Variants in USP24 observed in about 807,000 individuals in gnomAD.
USP24 encodes the protein ubiquitin carboxyl-terminal hydrolase 24.
In USP24, 97 loss-of-function variants were observed where a neutral mutation model predicts 361.6. The observed-to-expected ratio is 0.27, with a 90% CI of 0.23 to 0.32. The LOEUF is 0.32. Among genes scored for constraint, USP24 ranks in the 10% least tolerant of loss-of-function variants. The pLI, the probability that USP24 is intolerant of heterozygous loss-of-function variation, is 1.00. For synonymous variants in USP24, 1,098 were observed against 1,124.6 expected (o/e 0.98, Z 0.47); for missense variants, 2,353 against 3,165.6 (o/e 0.74, Z 6.16).
intron 1 of USP24, among the ~76,000 whole-genome samples, chr1:55,206,117 A>G (rs904082970): frequency 1.3e-4 from 20 of 152,192 alleles, no homozygotes; most frequent in African/African-American, 4.3e-4. Context: ...GAGACGTTTT[A>G]TTTCATTTCA....
chr1:55,124,401 C>A (rs1030853391), intron 35 of USP24, 68 bp downstream of exon 35: 59 of 1,528,082 alleles, frequency 3.9e-5, no homozygotes, highest in Non-Finnish European at 4.9e-5. Flanking sequence ...TCTGGCAAAC[C>A]TACACACAGA....
intron 38 of USP24, among the ~76,000 whole-genome samples, chr1:55,114,751 G>GTTT (rs943633150): frequency 3.3e-5 from 5 of 152,064 alleles, no homozygotes; most frequent in Admixed American, 2.6e-4. Context: ...ACTCAAGATG[G>GTTT]ATTAAAGACT....
chr1:55,147,086 G>C (rs762342937), intron 18 of USP24, 26 bp from the exon 19 acceptor site: 1 of 1,516,164 alleles, frequency 6.6e-7, no homozygotes, highest in Non-Finnish European at 8.8e-7. Context: ...ATGCTAATTA[G>C]TTAACTCCAG....
intron 16 of USP24, among the ~76,000 whole-genome samples, chr1:55,151,742 C>G (rs1338702295): frequency 6.6e-6 from 1 of 152,016 alleles, no homozygotes; most frequent in African/African-American, 2.4e-5. Context: ...CGAGGGTACC[C>G]TGCAGAATCT....
At chr1:55,097,877 TAA>T in intron 47 of USP24, 64 bp downstream of exon 47, 1 of 1,537,464 alleles carries the variant, frequency 6.5e-7, no homozygotes, top group South Asian at 1.3e-5. Flanking sequence ...TGATTTTACA[TAA>T]AACAAAGACG....
intron 65 of USP24, 38 bp downstream of exon 65, chr1:55,072,748 T>C (rs1350517460): frequency 1.9e-6 from 3 of 1,547,662 alleles, no homozygotes; most frequent in Non-Finnish European, 8.7e-7. Context: ...TATTATTGAT[T>C]CCTATGTTAC....
chr1:55,199,947 G>T (rs930209286), intron 1 of USP24, among the ~76,000 whole-genome samples: 1 of 152,116 alleles, frequency 6.6e-6, no homozygotes, highest in Admixed American at 6.5e-5. Flanking sequence ...TTACATGGAC[G>T]GCAGCAGGCA....
In USP24 at chr1:55,146,941, T is replaced by G. The variant is rs1282592694; in HGVS notation, c.2238A>C (p.Glu746Asp). 6.2e-7 allele frequency: 1 copy of G among 1,612,318 alleles called. No individual in the cohort carries two copies. The highest frequency in any genetic ancestry group is 8.5e-7 in the Non-Finnish European group (1 of 1,179,006). The change falls in exon 19 of 68, where the codon GAA (glutamate) becomes GAC (aspartate). Residue 746 changes from glutamate (E) to aspartate (D), a missense_variant. By Grantham distance (45) the Glu-to-Asp change is conservative. Transcript: ENST00000294383. ...ECLVTGQDVC[E>D]LDREMCFEWF... ...ACCACCTTCTTACCTCTCTATCTAA[T>G]TCACAAACATCCTGGCCAGTTACAA... is the stretch of plus-strand genomic sequence containing the variant.
Position 55,164,516 on chromosome 1 carries a change from G to C in USP24, c.927+1369C>G, listed in dbSNP as rs185505159. 3.9e-5 allele frequency among the ~76,000 whole-genome samples: 6 copies of C among 152,092 alleles called. No individual in the cohort carries two copies. The East Asian group carries it at 1.2e-3, about 29-fold the overall frequency. ...CCTTAACTGGTCAGAAATTCAGCAC[G>C]TGTGAATTCTAATTATACCTGTCTC... On this transcript the variant is annotated intron_variant, in intron 7 of 67. Coordinates refer to ENST00000294383, the MANE Select transcript of USP24 (RefSeq NM_015306.3).
At chr1:55,180,108 C>T (rs966281847) in intron 1 of USP24, among the ~76,000 whole-genome samples, 6 of 152,152 alleles carry the variant, frequency 3.9e-5, no homozygotes, top group African/African-American at 4.8e-5. Context: ...CTTCATGTAT[C>T]GGACTATTTT....
At chr1:55,072,665 T>C in intron 65 of USP24, 121 bp downstream of exon 65, 7 of 1,019,916 alleles carry the variant, frequency 6.9e-6, no homozygotes, top group Non-Finnish European at 9.9e-6. Flanking sequence ...AGCAAAGAAA[T>C]GTTTGAAATC....
At position 55,148,424 on chromosome 1, in the gene USP24, G is replaced by A. The variant is rs757649138; in HGVS notation, c.1968+39C>T. Reference sequence around the variant, plus strand: ...CATGTTTTGTTATTGTAAAAGTTATGCAAGTAACTATAATAATAAAAAATA... The same window carrying A: ...CATGTTTTGTTATTGTAAAAGTTATACAAGTAACTATAATAATAAAAAATA... On this transcript the variant is annotated intron_variant, in intron 17 of 67. Coordinates refer to ENST00000294383, the MANE Select transcript of USP24 (RefSeq NM_015306.3). 18 of 1,435,284 alleles carry A rather than the reference G, an allele frequency of 1.3e-5. No homozygotes were observed. In the African/African-American group the frequency reaches 2.0e-4, roughly 16 times the overall value. The allele number at this position is 1,435,284 out of a possible 1,614,324, so 88.9% of individuals were successfully genotyped here.
chr1:55,141,521 G>A, intron 24 of USP24, 95 bp downstream of exon 24: 1 of 1,100,118 alleles, frequency 9.1e-7, no homozygotes, highest in Non-Finnish European at 1.3e-6. Flanking sequence ...TATAAAATGA[G>A]GAAATCAATA....
intron 56 of USP24, among the ~76,000 whole-genome samples, chr1:55,085,717 C>T (rs1405869788): frequency 6.6e-6 from 1 of 152,170 alleles, no homozygotes; most frequent in South Asian, 2.1e-4. Context: ...AATCCCAACG[C>T]AGACCAAAGC....
intron 29 of USP24, 79 bp from the exon 30 acceptor site, chr1:55,134,242 T>A: frequency 1.3e-6 from 2 of 1,561,106 alleles, no homozygotes; most frequent in South Asian, 2.3e-5. Context: ...GAATATAAAA[T>A]AAAATGCATT....
intron 26 of USP24, 88 bp from the exon 27 acceptor site, chr1:55,137,992 C>T: frequency 7.7e-7 from 1 of 1,298,984 alleles, no homozygotes; most frequent in South Asian, 1.3e-5. Context: ...AGGTACTGGG[C>T]ACTGTTCTAG....
chr1:55,120,799 C>A lies in USP24; in HGVS notation c.4348-43G>T, dbSNP rs1221675980. On this transcript the variant is annotated intron_variant, in intron 37 of 67. Coordinates refer to ENST00000294383, the MANE Select transcript of USP24 (RefSeq NM_015306.3). ...GCAGCAAAGGACAGACATGAATCAACATGTTGAGACTGCTTAAAAAGTGAT... is the reference window on the plus strand; with the variant it reads ...GCAGCAAAGGACAGACATGAATCAAAATGTTGAGACTGCTTAAAAAGTGAT... The A allele has an allele frequency of 2.1e-5, 31 of 1,483,486 alleles. 1 individual carries two copies. Among genetic ancestry groups the A allele is most frequent in the Non-Finnish European group, 2.8e-5 (31 of 1,114,968 alleles). The allele number at this position is 1,483,486 out of a possible 1,614,324, so 91.9% of individuals were successfully genotyped here.
Position 55,143,114 on chromosome 1 carries a change from T to C in USP24, c.2445A>G (p.Val815=). The C allele has an allele frequency of 1.3e-6, 2 of 1,501,894 alleles. No homozygotes were observed. The highest frequency in any genetic ancestry group is 1.4e-5 in the South Asian group (1 of 73,818). 93.0% of individuals were successfully genotyped at this position (1,501,894 alleles called of 1,614,324 possible). The stretch of plus-strand genomic sequence containing the variant: ...CCATTCCTATCAATTCCAGCTTTTC[T>C]ACATACTGTTCAAAAGAAAAAAAAT... ...RLKRQGAQLY[V]EKLELIGMDF... is the part of the protein sequence containing the mutation. Residue 815 remains valine (V), a synonymous_variant, in exon 22 of 68, where the codon GTA becomes GTG. Coordinates refer to ENST00000294383, the MANE Select transcript of USP24 (RefSeq NM_015306.3).
intron 37 of USP24, 121 bp downstream of exon 37, chr1:55,121,315 G>C (rs1646274370): frequency 1.2e-6 from 1 of 812,144 alleles, no homozygotes; most frequent in Non-Finnish European, 1.9e-6. Context: ...CAGCCCCTTC[G>C]TACACTCCCT....
Sources: gnomAD v4.1 joint callset for allele counts (sites outside exome capture counted in the v4.1 genomes callset) on GRCh38, gnomAD v4.1.1 for gene constraint, MANE v1.5 for transcripts, NCBI Gene and HGNC (gene_info 2026-07-23, HGNC 2026-07-21) for gene names.